The following NCOA7 variants were observed in gnomAD, a reference collection of about 807,000 sequenced individuals.
NCOA7 encodes 140 kDa estrogen receptor-associated protein.
NCOA7 carries 45 observed loss-of-function variants against 104.3 expected under a neutral mutation model. That is an observed-to-expected ratio of 0.43 (90% CI 0.34 to 0.55). The LOEUF is 0.55. NCOA7 is among the 20% of genes least tolerant of loss of function. NCOA7 has a pLI of 0.02. For synonymous variants in NCOA7, 398 were observed against 402.3 expected (o/e 0.99, Z 0.13); for missense variants, 1,041 against 1,119.7 (o/e 0.93, Z 1.00).
At chr6:125,904,627 A>C (rs1785803277) in intron 10 of NCOA7, among the ~76,000 whole-genome samples, 1 of 152,158 alleles carries the variant, frequency 6.6e-6, no homozygotes, top group Non-Finnish European at 1.5e-5. Context: ...CCCCAGCCTT[A>C]GACACTTCAC....
At position 125,889,636 on chromosome 6, in the gene NCOA7, A is replaced by T; in HGVS notation, c.1582A>T (p.Thr528Ser). 6.2e-7 allele frequency: 1 copy of T among 1,613,984 alleles called. No homozygotes were observed. Among genetic ancestry groups the T allele is most frequent in the Non-Finnish European group, 8.5e-7 (1 of 1,179,986 alleles). The change falls in exon 9 of 16, where the codon ACT (threonine) becomes TCT (serine). Residue 528 changes from threonine (T) to serine (S), a missense_variant. Physicochemically the swap from Thr to Ser is moderately conservative, Grantham distance 58. Transcript: ENST00000392477. ...AGTTAAACTCATTGAATATTACCTG[A>T]CTAAGAACAAAGAAGGGCCACAGGT... Reference protein sequence around the residue: ...DKVKLIEYYLTKNKEGPQVSE... With the variant: ...DKVKLIEYYLSKNKEGPQVSE...
rs540228043 is a variant in NCOA7, at chr6:125,928,062, C to T, written c.2620-112C>T. ...AGGTCTGGCAGTCAGGAACTTCCTCCGTCAATGGGGTGAGGTGGTTCCCTT... is the reference window on the plus strand; with the variant it reads ...AGGTCTGGCAGTCAGGAACTTCCTCTGTCAATGGGGTGAGGTGGTTCCCTT... On this transcript the variant is annotated intron_variant, in intron 14 of 15. Coordinates refer to ENST00000392477, the MANE Select transcript of NCOA7 (RefSeq NM_181782.5). 4.9e-5 allele frequency: 50 copies of T among 1,014,398 alleles called. No homozygotes were observed. The African/African-American group carries it at 6.5e-4, about 13-fold the overall frequency. 62.8% of individuals were successfully genotyped at this position (1,014,398 alleles called of 1,614,324 possible). A position where few individuals can be genotyped will look rare whatever the true frequency, so the allele number is the denominator to read the frequency against.
intron 1 of NCOA7, among the ~76,000 whole-genome samples, chr6:125,791,765 C>T (rs376524003): frequency 1.3e-5 from 2 of 152,192 alleles, no homozygotes; most frequent in South Asian, 4.1e-4. Flanking sequence ...AAAGATGTAC[C>T]GGGTCAGCCA....
intron 2 of NCOA7, among the ~76,000 whole-genome samples, chr6:125,841,444 A>G (rs1054070055): frequency 6.6e-6 from 1 of 152,086 alleles, no homozygotes; most frequent in Non-Finnish European, 1.5e-5. Context: ...AGGCATGATT[A>G]TATTTATTTA....
intron 2 of NCOA7, among the ~76,000 whole-genome samples, chr6:125,820,351 T>G (rs1378764124): frequency 1.3e-5 from 2 of 152,230 alleles, no homozygotes; most frequent in Non-Finnish European, 2.9e-5. Flanking sequence ...TTACCTTACA[T>G]TTCTTCAGTT....
At chr6:125,794,449 G>C (rs561042889) in intron 1 of NCOA7, among the ~76,000 whole-genome samples, 10 of 152,184 alleles carry the variant, frequency 6.6e-5, no homozygotes, top group East Asian at 1.9e-4. Flanking sequence ...CTATGGTCTT[G>C]AGCTTCTGTT....
chr6:125,896,476 T>C (rs1785026829), intron 10 of NCOA7, among the ~76,000 whole-genome samples: 1 of 152,310 alleles, frequency 6.6e-6, no homozygotes, highest in South Asian at 2.1e-4. Context: ...AGAGTTTTGG[T>C]TCTGTGTGAT....
At chr6:125,808,840 A>T (rs1776698200) in intron 1 of NCOA7, among the ~76,000 whole-genome samples, 1 of 152,198 alleles carries the variant, frequency 6.6e-6, no homozygotes, top group South Asian at 2.1e-4. Context: ...ATGGGTCTTC[A>T]TTTAGAGTAT....
chr6:125,925,911 C>T (rs757673812), intron 13 of NCOA7, among the ~76,000 whole-genome samples: 1 of 152,104 alleles, frequency 6.6e-6, no homozygotes, highest in Admixed American at 6.5e-5. Flanking sequence ...GAAAAAAAGA[C>T]ATTTTCTCAT....
At chr6:125,825,490 T>A in intron 2 of NCOA7, among the ~76,000 whole-genome samples, 1 of 152,242 alleles carries the variant, frequency 6.6e-6, no homozygotes, top group Non-Finnish European at 1.5e-5. Flanking sequence ...GAGAATATAT[T>A]ACTGTTGATT....
In NCOA7 at chr6:125,915,463, A is replaced by C. The variant is rs760371575; in HGVS notation, c.2227A>C (p.Thr743Pro). ...GATTGACAACTTCTTCAGTGAGCCA[A>C]CAACCAAGAGCTGGGAGGTGAGCAC... Reference protein sequence around the residue: ...NMIDNFFSEPTTKSWEIITVE... With the variant: ...NMIDNFFSEPPTKSWEIITVE... The change falls in exon 11 of 16, where the codon ACA becomes CCA. Residue 743 changes from threonine to proline, a missense_variant. Physicochemically the swap from Thr to Pro is conservative, Grantham distance 38. Coordinates refer to ENST00000392477, the MANE Select transcript of NCOA7 (RefSeq NM_181782.5). 6.2e-7 allele frequency: 1 copy of C among 1,613,882 alleles called. No individual in the cohort carries two copies. The highest frequency in any genetic ancestry group is 8.5e-7 in the Non-Finnish European group (1 of 1,179,772).
intron 2 of NCOA7, among the ~76,000 whole-genome samples, chr6:125,846,026 T>G (rs951400373): frequency 1.3e-5 from 2 of 152,122 alleles, no homozygotes; most frequent in Non-Finnish European, 2.9e-5. Flanking sequence ...AAGGAGAAAG[T>G]TTGTATGAAA....
chr6:125,860,969 T>C (rs764345340), intron 3 of NCOA7, among the ~76,000 whole-genome samples: 1 of 152,214 alleles, frequency 6.6e-6, no homozygotes, highest in Non-Finnish European at 1.5e-5. Context: ...GGAGGTCTTA[T>C]AACAAACATA....
chr6:125,888,943 C>G lies in NCOA7; in HGVS notation c.889C>G (p.Leu297Val). The stretch of plus-strand genomic sequence containing the variant: ...CCACCATTTCTCCCCCAACAGTGAC[C>G]TACCTCAGGATCTTTGTCCTCTGTA... ...MKIKDALPSD[L>V]PQDLCPLYRP... is the part of the protein sequence containing the mutation. Residue 297 changes from leucine (L) to valine (V), a missense_variant, in exon 9 of 16, where the codon CTA becomes GTA. Leu to Val is a conservative substitution (Grantham distance 32). This residue lies in a region of NCOA7 where 914 missense variants were observed against 942.7 expected (regional missense o/e 0.97). Coordinates refer to ENST00000392477, the MANE Select transcript of NCOA7 (RefSeq NM_181782.5). 1 of 1,591,698 alleles carries G rather than the reference C, an allele frequency of 6.3e-7. No homozygotes were observed. The highest frequency in any genetic ancestry group is 1.1e-5 in the South Asian group (1 of 88,120).
chr6:125,837,360 C>T (rs180693386), intron 2 of NCOA7, among the ~76,000 whole-genome samples: 172 of 152,230 alleles, frequency 1.1e-3, no homozygotes, highest in Admixed American at 3.2e-3. Context: ...GATTAAGTCA[C>T]ATTCAAAGAA....
At chr6:125,891,437 A>G (rs1784614997) in intron 10 of NCOA7, among the ~76,000 whole-genome samples, 1 of 152,198 alleles carries the variant, frequency 6.6e-6, no homozygotes, top group Admixed American at 6.5e-5. Context: ...AATAAAAATA[A>G]TTAGGGAATA....
upstream of NCOA7, among the ~76,000 whole-genome samples, chr6:125,786,447 TAAGC>T (rs1379049878): frequency 2.6e-5 from 4 of 152,150 alleles, no homozygotes; most frequent in Non-Finnish European, 5.9e-5. Flanking sequence ...TGTTAAAGAG[TAAGC>T]AACTCCCAAA....
rs569027431 is a variant in NCOA7 at position 125,867,013 on chromosome 6, T to G, written c.272-7876T>G. On this transcript the variant is annotated intron_variant, in intron 3 of 15. Transcript: ENST00000392477. ...TGAAATATTTATTTAAAGATGAGAT[T>G]TCCTACTTAGGAGTATTATATCCAT... 3.3e-5 allele frequency among the ~76,000 whole-genome samples: 5 copies of G among 152,374 alleles called. No individual in the cohort carries two copies. In the East Asian group the frequency reaches 9.6e-4, roughly 29 times the overall value.
At chr6:125,817,083 A>T (rs1408114630) in intron 2 of NCOA7, among the ~76,000 whole-genome samples, 1 of 152,192 alleles carries the variant, frequency 6.6e-6, no homozygotes, top group Non-Finnish European at 1.5e-5. Flanking sequence ...TGTTGCATGT[A>T]TCGATAGTTT....
Sources: allele counts gnomAD v4.1 joint callset (sites outside exome capture counted in the v4.1 genomes callset), GRCh38; gene constraint gnomAD v4.1.1; regional missense constraint gnomAD v4.1.1; transcripts MANE v1.5; gene names NCBI Gene and HGNC (gene_info 2026-07-23, HGNC 2026-07-21).